PCDH11X: variants seen among roughly 807,000 people sequenced by gnomAD.
PCDH11X encodes the protein protocadherin-11 X-linked.
A neutral mutation model predicts 53.3 loss-of-function variants in PCDH11X; 18 were observed. That is an observed-to-expected ratio of 0.34 (90% CI 0.23 to 0.50). PCDH11X has a LOEUF of 0.50. Among genes scored for constraint, PCDH11X ranks in the 20% least tolerant of loss-of-function variants. The pLI, the probability that PCDH11X is intolerant of heterozygous loss-of-function variation, is 0.98. For missense variants in PCDH11X, 570 were observed against 1,032.4 expected (o/e 0.55, Z 6.14); for synonymous variants, 279 against 393.3 (o/e 0.71, Z 3.44).
chrX:91,908,710 C>T (rs1941271830), intron 6 of PCDH11X, among the ~76,000 whole-genome samples: 1 of 107,721 alleles, frequency 9.3e-6, no homozygotes, highest in Non-Finnish European at 1.9e-5. Flanking sequence ...GAGGCTGAGG[C>T]AGGAGCATTG....
chrX:91,942,672 A>G (rs987517089), intron 6 of PCDH11X, among the ~76,000 whole-genome samples: 2 of 111,276 alleles, frequency 1.8e-5, no homozygotes, highest in Non-Finnish European at 3.8e-5. Flanking sequence ...TTTTTCTGAC[A>G]GTTAAAGTGG....
At chrX:91,869,583 T>G (rs1264161678) in intron 5 of PCDH11X, among the ~76,000 whole-genome samples, 1 of 111,298 alleles carries the variant, frequency 9.0e-6, no homozygotes, top group Non-Finnish European at 1.9e-5. Flanking sequence ...TCATCTAACT[T>G]AAGCACAAGA....
intron 9 of PCDH11X, chrX:92,459,881 C>A (rs896060060): frequency 4.7e-5 from 54 of 1,142,520 alleles, no homozygotes; most frequent in Admixed American, 1.3e-4. Flanking sequence ...GGGGGTCTGG[C>A]AGGAATGGGA....
At chrX:92,091,412 AT>A (rs2064046608) in intron 6 of PCDH11X, among the ~76,000 whole-genome samples, 1 of 110,615 alleles carries the variant, frequency 9.0e-6, no homozygotes, top group Non-Finnish European at 1.9e-5. Flanking sequence ...TCTATATGTA[AT>A]TATTCTTGTC....
intron 10 of PCDH11X, among the ~76,000 whole-genome samples, chrX:92,604,626 A>G (rs1926595350): frequency 1.8e-5 from 2 of 111,778 alleles, no homozygotes; most frequent in South Asian, 3.6e-4. Flanking sequence ...TAACAAAGTA[A>G]ATGGATTAAA....
intron 4 of PCDH11X, among the ~76,000 whole-genome samples, chrX:91,821,881 G>T (rs2147585496): frequency 1.0e-5 from 1 of 97,595 alleles, no homozygotes; most frequent in Admixed American, 1.1e-4. Context: ...TTTTTAGCAT[G>T]AAGGGTTGTT....
intron 6 of PCDH11X, among the ~76,000 whole-genome samples, chrX:92,146,346 G>T (rs1167278898): frequency 1.8e-5 from 2 of 110,927 alleles, no homozygotes; most frequent in African/African-American, 6.5e-5. Context: ...GGGGGGTGGG[G>T]GTGAGAGGGA....
chrX:92,511,755 A>C (rs7882043), intron 10 of PCDH11X, among the ~76,000 whole-genome samples: 3,754 of 111,313 alleles, frequency 0.034, 153 homozygotes, highest in African/African-American at 0.12. Context: ...TTTTTAGGAA[A>C]CAATTCAGTA....
rs141401846 is a variant in PCDH11X at position 92,437,276 on chromosome X, C to A, written c.3344-31023C>A. On this transcript the variant is annotated intron_variant, in intron 9 of 10. Coordinates refer to ENST00000682573, the MANE Select transcript of PCDH11X (RefSeq NM_032968.5). The stretch of plus-strand genomic sequence containing the variant: ...CCACTCAAAATAGGAAGTCAGGATT[C>A]TGTTTATAATTCTAACTAAAGATAA... 6.5e-3 allele frequency among the ~76,000 whole-genome samples: 723 copies of A among 111,499 alleles called. 7 individuals are homozygous for A. The highest frequency in any genetic ancestry group is 0.023 in the African/African-American group (697 of 30,791).
intron 6 of PCDH11X, among the ~76,000 whole-genome samples, chrX:92,001,564 G>C (rs1328375629): frequency 9.3e-6 from 1 of 107,361 alleles, no homozygotes; most frequent in Admixed American, 1.0e-4. Flanking sequence ...TGACGCCTGG[G>C]TTCAAGAGAT....
At chrX:92,201,503 T>G in intron 7 of PCDH11X, 48 bp downstream of exon 7, 1 of 799,222 alleles carries the variant, frequency 1.3e-6, no homozygotes, top group Non-Finnish European at 1.8e-6. Context: ...TTTTAAATGA[T>G]TTTTATAAAT....
At chrX:91,946,080 A>G (rs1028207559) in intron 6 of PCDH11X, among the ~76,000 whole-genome samples, 10 of 109,415 alleles carry the variant, frequency 9.1e-5, no homozygotes, top group African/African-American at 3.3e-4. Flanking sequence ...CGGAATACTC[A>G]GAGCCATTTT....
At chrX:91,947,309 G>A (rs1456076297) in intron 6 of PCDH11X, among the ~76,000 whole-genome samples, 4 of 108,311 alleles carry the variant, frequency 3.7e-5, no homozygotes, top group Non-Finnish European at 7.7e-5. Flanking sequence ...AAAAGCTGTA[G>A]GTAAGAAGCA....
chrX:91,879,528 A>G, intron 6 of PCDH11X: 1 of 1,079,097 alleles, frequency 9.3e-7, no homozygotes, highest in East Asian at 3.4e-5. Flanking sequence ...GCAGTATGAC[A>G]ATTCTTGCTA....
intron 6 of PCDH11X, among the ~76,000 whole-genome samples, chrX:91,908,717 A>T (rs12559204): frequency 9.4e-6 from 1 of 106,518 alleles, no homozygotes; most frequent in African/African-American, 3.4e-5. Context: ...AGGCAGGAGC[A>T]TTGCTTGAAC....
intron 6 of PCDH11X, among the ~76,000 whole-genome samples, chrX:92,048,234 CT>C (rs1393093408): frequency 1.3e-5 from 1 of 76,331 alleles, no homozygotes; most frequent in Non-Finnish European, 2.3e-5. Context: ...TAAAGCTTTT[CT>C]TTTGAAAAAA....
At chrX:92,260,004 C>T (rs912790178) in intron 7 of PCDH11X, among the ~76,000 whole-genome samples, 8 of 111,099 alleles carry the variant, frequency 7.2e-5, no homozygotes, top group African/African-American at 3.3e-5. Flanking sequence ...TCCCTCTTCT[C>T]TCCTCAAGTG....
intron 6 of PCDH11X, among the ~76,000 whole-genome samples, chrX:92,180,403 CTCCTT>C (rs1372891513): frequency 9.0e-6 from 1 of 111,348 alleles, no homozygotes; most frequent in Non-Finnish European, 1.9e-5. Context: ...CGTTTTTACT[CTCCTT>C]TACTGCATCT....
chrX:92,565,114 C>A (rs1190124581), intron 10 of PCDH11X, among the ~76,000 whole-genome samples: 1 of 109,338 alleles, frequency 9.1e-6, no homozygotes, highest in African/African-American at 3.3e-5. Flanking sequence ...AAATGTCAGG[C>A]AATGACAAAT....
Sources: allele counts gnomAD v4.1 joint callset (sites outside exome capture counted in the v4.1 genomes callset), GRCh38; gene constraint gnomAD v4.1.1; transcripts MANE v1.5; gene names NCBI Gene and HGNC (gene_info 2026-07-23, HGNC 2026-07-21).